ELP2: variants seen among roughly 807,000 people sequenced by gnomAD.
The protein encoded by ELP2 is elongator acetyltransferase complex subunit 2, also known as elongator complex protein 2.
In ELP2, 90 loss-of-function variants were observed where a neutral mutation model predicts 119.2. The observed-to-expected ratio is 0.75, with a 90% CI of 0.64 to 0.90. The LOEUF is 0.90. ELP2 is among the 40% of genes least tolerant of loss of function. ELP2 has a pLI of 0.00. For missense variants in ELP2, 921 were observed against 967.8 expected, an observed-to-expected ratio of 0.95 and a Z score of 0.64; for synonymous variants, 339 against 331.0, an observed-to-expected ratio of 1.02 and a Z score of -0.26.
intron 18 of ELP2, among the ~76,000 whole-genome samples, chr18:36,165,862 A>G (rs2090880102): frequency 6.6e-6 from 1 of 151,898 alleles, no homozygotes; most frequent in Non-Finnish European, 1.5e-5. Context: ...AGCCTAGGCG[A>G]CAGAGCAAGA....
At chr18:36,139,502 T>G (rs1292051407) in intron 5 of ELP2, 2 of 1,535,616 alleles carry the variant, frequency 1.3e-6, no homozygotes, top group Non-Finnish European at 1.7e-6. Context: ...GAGCTGCGAC[T>G]CTATGGTTTC....
At chr18:36,166,943 T>C in intron 18 of ELP2, 158 bp from the exon 19 acceptor site, 3 of 587,014 alleles carry the variant, frequency 5.1e-6, no homozygotes, top group Non-Finnish European at 8.3e-6. Flanking sequence ...AGCCTTCTGG[T>C]GAGGGGTTGG....
chr18:36,163,877 TAG>T (rs778273388), intron 17 of ELP2, among the ~76,000 whole-genome samples: 1 of 152,166 alleles, frequency 6.6e-6, no homozygotes, highest in Non-Finnish European at 1.5e-5. Context: ...TTAGGAAGTA[TAG>T]AGTTATTTTG....
At chr18:36,151,742 G>GTTTTTTT (rs71166098) in intron 11 of ELP2, among the ~76,000 whole-genome samples, 1 of 109,826 alleles carries the variant, frequency 9.1e-6, no homozygotes, top group Non-Finnish European at 1.8e-5. Context: ...GTTCTGTTCT[G>GTTTTTTT]TTTTTTTTTT....
rs762274605 is a variant in ELP2 at position 36,159,989 on chromosome 18, T to G, written c.1662T>G (p.Asn554Lys). 6.2e-7 allele frequency: 1 copy of G among 1,614,118 alleles called. No individual in the cohort carries two copies. The highest frequency in any genetic ancestry group is 1.1e-5 in the South Asian group (1 of 91,086). ...EPPTEDHLLQ[N>K]TLWPEVQKLY... ...CCACTGAGGATCATCTTCTGCAGAA[T>G]ACTTTGTGGCCTGAAGTTCAAAAAC... Residue 554 changes from asparagine (N) to lysine (K), a missense_variant, in exon 16 of 22, where the codon AAT (asparagine) becomes AAG (lysine). Transcript: ENST00000358232.
intron 11 of ELP2, among the ~76,000 whole-genome samples, chr18:36,147,663 T>TC (rs978467052): frequency 6.6e-6 from 1 of 151,424 alleles, no homozygotes; most frequent in Non-Finnish European, 1.5e-5. Context: ...ATTCTGCCCC[T>TC]CCCCCCGCCT....
Position 36,144,959 on chromosome 18 carries a change from G to GT in ELP2, c.819dup (p.Thr274TyrfsTer10). 6.2e-7 allele frequency: 1 copy of GT among 1,613,768 alleles called. No individual in the cohort carries two copies. Among genetic ancestry groups the GT allele is most frequent in the Non-Finnish European group, 8.5e-7 (1 of 1,179,702 alleles). On this transcript the variant is annotated frameshift_variant, in exon 9 of 22. Transcript: ENST00000358232. LOFTEE classifies it high-confidence loss of function. ...TATAGGTGTTAAAATAGCATTTGCT[G>GT]TTACTCTGGAGACAGTGCTAGCCGG...
intron 18 of ELP2, among the ~76,000 whole-genome samples, chr18:36,165,462 C>G (rs530490508): frequency 5.8e-4 from 88 of 152,276 alleles, no homozygotes; most frequent in African/African-American, 2.0e-3. Flanking sequence ...TATTTCTGGT[C>G]TCTTTGTTTC....
intron 17 of ELP2, among the ~76,000 whole-genome samples, chr18:36,162,494 A>G (rs1264692731): frequency 1.3e-5 from 2 of 152,082 alleles, no homozygotes; most frequent in Non-Finnish European, 2.9e-5. Context: ...GTTGTTTTCC[A>G]GTTTTGGGCT....
chr18:36,133,897 GTTTTTTTTTTTTTTTTTT>G (rs57135329), intron 2 of ELP2, among the ~76,000 whole-genome samples: 2 of 60,756 alleles, frequency 3.3e-5, no homozygotes, highest in African/African-American at 1.5e-4. Context: ...TTTTTTAGGG[GTTTTTTTTTTTTTTTTTT>G]TTTTTTTTTT....
intron 20 of ELP2, among the ~76,000 whole-genome samples, chr18:36,170,506 G>T (rs3786275): frequency 0.054 from 8,193 of 151,914 alleles, 276 homozygotes; most frequent in East Asian, 0.097. Flanking sequence ...TAGAGATGGG[G>T]TTTCACCATG....
chr18:36,164,452 A>T (rs1294371159), intron 17 of ELP2, 23 bp from the exon 18 acceptor site: 1 of 1,604,248 alleles, frequency 6.2e-7, no homozygotes, highest in Non-Finnish European at 8.5e-7. Flanking sequence ...TACTAGCTTC[A>T]TTGTTTCATC....
In ELP2 at chr18:36,149,483, G is replaced by GTTTTTTT. The variant is rs561853812; in HGVS notation, c.1125+3106_1125+3107insTTTTTTT. Among the ~76,000 whole-genome samples, 546 of 101,730 alleles carry GTTTTTTT rather than the reference G, an allele frequency of 5.4e-3. 36 individuals are homozygous for GTTTTTTT. Among genetic ancestry groups the GTTTTTTT allele is most frequent in the Middle Eastern group, 0.014 (2 of 144 alleles). 66.7% of individuals were successfully genotyped at this position (101,730 alleles called of 152,430 possible). A position where few individuals can be genotyped will look rare whatever the true frequency, so the allele number is the denominator to read the frequency against. ...ACATAGTTGCAGGGTTTTTTGTTTT[G>GTTTTTTT]TTTTGTTTTTTTTTTTTTTGCTTAG... On this transcript the variant is annotated intron_variant, in intron 11 of 21. Transcript: ENST00000358232.
chr18:36,152,907 A>G (rs1018051080), intron 11 of ELP2, among the ~76,000 whole-genome samples: 9 of 152,208 alleles, frequency 5.9e-5, no homozygotes, highest in Non-Finnish European at 1.2e-4. Flanking sequence ...CCTTAGCACT[A>G]CACCCTTTGG....
At chr18:36,136,169 G>A (rs2089816435) in intron 2 of ELP2, 138 bp from the exon 3 acceptor site, 1 of 668,922 alleles carries the variant, frequency 1.5e-6, no homozygotes, top group Non-Finnish European at 2.7e-6. Flanking sequence ...GAGATATTAA[G>A]CAAATATGGC....
At position 36,145,961 on chromosome 18, in the gene ELP2, G is replaced by A. The variant is rs768494294; in HGVS notation, c.906G>A (p.Gln302=). Residue 302 remains glutamine (Q), a synonymous_variant, in exon 10 of 22, where the codon CAG becomes CAA. Coordinates refer to ENST00000358232, the MANE Select transcript of ELP2 (RefSeq NM_018255.4). ...TTTATTTTTTAGATGGTGTCCTACA[G>A]CAGCCAGTGAGATTATTATCTGCTT... The part of the protein sequence containing the change: ...QPVFYKDGVL[Q]QPVRLLSASM... 2.5e-6 allele frequency: 4 copies of A among 1,613,414 alleles called. No individual in the cohort carries two copies. Among genetic ancestry groups the A allele is most frequent in the Non-Finnish European group, 3.4e-6 (4 of 1,179,496 alleles).
intron 19 of ELP2, among the ~76,000 whole-genome samples, chr18:36,167,981 A>G (rs1213186768): frequency 6.6e-6 from 1 of 152,192 alleles, no homozygotes; most frequent in Non-Finnish European, 1.5e-5. Flanking sequence ...CCAGCCTCAG[A>G]GTATGTTCTC....
intron 18 of ELP2, 69 bp downstream of exon 18, chr18:36,164,736 CTTTAG>C (rs1201254332): frequency 6.8e-7 from 1 of 1,467,468 alleles, no homozygotes; most frequent in African/African-American, 1.4e-5. Context: ...CATTAAGCAG[CTTTAG>C]TTAAGAGAAA....
At chr18:36,170,649 C>G (rs973482222) in intron 20 of ELP2, among the ~76,000 whole-genome samples, 1 of 152,146 alleles carries the variant, frequency 6.6e-6, no homozygotes, top group African/African-American at 2.4e-5. Context: ...TTATGTTTCT[C>G]ATAATAATTT....
Sources: gnomAD v4.1 joint callset for allele counts (sites outside exome capture counted in the v4.1 genomes callset) on GRCh38, gnomAD v4.1.1 for gene constraint, MANE v1.5 for transcripts, NCBI Gene and HGNC (gene_info 2026-07-23, HGNC 2026-07-21) for gene names.